Variants in LRRC53 observed in about 807,000 individuals in gnomAD.
The protein encoded by LRRC53 is leucine rich repeat containing 53, also known as leucine-rich repeat-containing protein 53.
In LRRC53, 25 loss-of-function variants were observed where a neutral mutation model predicts 13.6. The ratio of observed to expected loss-of-function variants is 1.83; its 90% CI spans 1.34 to 2.56. LRRC53 has a LOEUF of 2.56. LRRC53 is among the 30% of genes most tolerant of loss of function. The probability of loss-of-function intolerance (pLI) is 0.00; values close to 1 mark genes in which losing one functional copy is unlikely to be tolerated. For synonymous variants in LRRC53, 204 were observed against 109.8 expected, an observed-to-expected ratio of 1.86 and a Z score of -5.37; for missense variants, 527 against 275.8, an observed-to-expected ratio of 1.91 and a Z score of -6.45.
At chr1:74,526,055 C>CA in the LRRC53 span, among the ~76,000 whole-genome samples, 7 of 151,662 alleles carry the variant, frequency 4.6e-5, no homozygotes, top group South Asian at 2.1e-4. Context: ...TAAAACAAAA[C>CA]AAAAAAAACA....
At chr1:74,498,549 T>C (rs541816178) in intron 1 of LRRC53, among the ~76,000 whole-genome samples, 1 of 152,288 alleles carries the variant, frequency 6.6e-6, no homozygotes, top group African/African-American at 2.4e-5. Context: ...TATTTTTATT[T>C]ATAATAAACT....
intron 1 of LRRC53, chr1:74,492,416 G>A: frequency 9.0e-7 from 1 of 1,106,098 alleles, no homozygotes; most frequent in Non-Finnish European, 1.2e-6. Flanking sequence ...CTTACGTTAT[G>A]ACTAAAAATT....
chr1:74,483,059 A>G (rs1668582852), intron 2 of LRRC53, among the ~76,000 whole-genome samples: 1 of 152,244 alleles, frequency 6.6e-6, no homozygotes, highest in African/African-American at 2.4e-5. Context: ...GTTACCTCTG[A>G]AGGTCTTTAA....
Position 74,469,628 on chromosome 1 carries a change from T to C in LRRC53, c.*250A>G, listed in dbSNP as rs193020368. On this transcript the variant is annotated 3_prime_UTR_variant, in exon 5 of 5. Transcript: ENST00000294635. ...CTTTTGCAAGACTTGGCAAAACTTT[T>C]CTTACTTGTTTTTTCATTCCTTAGA... is the stretch of plus-strand genomic sequence containing the variant. 2,910 of 334,114 alleles carry C rather than the reference T, an allele frequency of 8.7e-3. 22 individuals carry two copies. Among genetic ancestry groups the C allele is most frequent in the Non-Finnish European group, 0.012 (2,180 of 186,336 alleles). 20.7% of individuals were successfully genotyped at this position (334,114 alleles called of 1,614,324 possible). A position where few individuals can be genotyped will look rare whatever the true frequency, so the allele number is the denominator to read the frequency against.
the LRRC53 span, among the ~76,000 whole-genome samples, chr1:74,527,807 G>C: frequency 6.6e-6 from 1 of 152,190 alleles, no homozygotes; most frequent in Non-Finnish European, 1.5e-5. Flanking sequence ...ATTGGACAGG[G>C]CTGAGTAAGG....
At chr1:74,485,878 A>G (rs1039713230) in intron 1 of LRRC53, among the ~76,000 whole-genome samples, 3 of 152,180 alleles carry the variant, frequency 2.0e-5, no homozygotes, top group Admixed American at 1.3e-4. Flanking sequence ...AGAAATCAGT[A>G]CTGCCAACAA....
chr1:74,480,126 A>G, intron 3 of LRRC53, 27 bp downstream of exon 3: 1 of 696,602 alleles, frequency 1.4e-6, no homozygotes, highest in Non-Finnish European at 2.7e-6. Context: ...AAGAGAAAAG[A>G]GGAGGGCACA....
At chr1:74,503,404 G>A (rs1051219552) in intron 1 of LRRC53, among the ~76,000 whole-genome samples, 1 of 152,146 alleles carries the variant, frequency 6.6e-6, no homozygotes, top group African/African-American at 2.4e-5. Context: ...ATTTACAAAA[G>A]ACTGTAGTGC....
chr1:74,485,955 C>T (rs1195880531), intron 1 of LRRC53, among the ~76,000 whole-genome samples: 1 of 152,148 alleles, frequency 6.6e-6, no homozygotes, highest in African/African-American at 2.4e-5. Flanking sequence ...TCCTTGATTT[C>T]AGCCTAGTGA....
chr1:74,519,697 A>G, the LRRC53 span, among the ~76,000 whole-genome samples: 41 of 152,338 alleles, frequency 2.7e-4, no homozygotes, highest in East Asian at 5.6e-3. Flanking sequence ...ACCCCACAGA[A>G]TATATCTTTA....
intron 1 of LRRC53, among the ~76,000 whole-genome samples, chr1:74,507,945 C>T (rs1051837554): frequency 1.3e-5 from 2 of 152,248 alleles, no homozygotes; most frequent in East Asian, 1.9e-4. Flanking sequence ...TTGCCAGGAA[C>T]CAAAGATGCT....
chr1:74,511,303 G>A (rs568328039), intron 1 of LRRC53, among the ~76,000 whole-genome samples: 17 of 151,598 alleles, frequency 1.1e-4, no homozygotes, highest in Non-Finnish European at 2.1e-4. Flanking sequence ...AGCAATTCTC[G>A]TGCCTCAGGC....
At chr1:74,517,949 GCTC>G in the LRRC53 span, among the ~76,000 whole-genome samples, 2 of 152,176 alleles carry the variant, frequency 1.3e-5, no homozygotes, top group South Asian at 4.1e-4. Context: ...GAGAACCACT[GCTC>G]TAGCTAGTAC....
rs3835392 is a variant in LRRC53, at chr1:74,469,578, C to CTT, written c.*298_*299dup. The CTT allele has an allele frequency of 1.1e-4, 22 of 208,372 alleles. No individual in the cohort carries two copies. Among genetic ancestry groups the CTT allele is most frequent in the Middle Eastern group, 1.5e-3 (1 of 652 alleles). 12.9% of individuals were successfully genotyped at this position (208,372 alleles called of 1,614,324 possible). A position where few individuals can be genotyped will look rare whatever the true frequency, so the allele number is the denominator to read the frequency against. ...TATGTAGTTTTTCATTTGTTTAAGGCTTTTTTTTTTTCAATGTTTGCTTGC... is the reference window on the plus strand; with the variant it reads ...TATGTAGTTTTTCATTTGTTTAAGGCTTTTTTTTTTTTTCAATGTTTGCTTGC... On this transcript the variant is annotated 3_prime_UTR_variant, in exon 5 of 5. Coordinates refer to ENST00000294635, the MANE Select transcript of LRRC53 (RefSeq NM_001382280.1).
At chr1:74,494,825 C>A (rs563761836) in intron 1 of LRRC53, among the ~76,000 whole-genome samples, 50 of 152,264 alleles carry the variant, frequency 3.3e-4, no homozygotes, top group African/African-American at 1.1e-3. Flanking sequence ...ATTGTCATAG[C>A]AGTGACAGTA....
In LRRC53 at chr1:74,469,813, G is replaced by A. The variant is rs1667835574; in HGVS notation, c.*65C>T. 2.5e-6 allele frequency: 1 copy of A among 399,210 alleles called. No individual in the cohort carries two copies. The highest frequency in any genetic ancestry group is 2.1e-5 in the African/African-American group (1 of 48,636). 24.7% of individuals were successfully genotyped at this position (399,210 alleles called of 1,614,324 possible). A position where few individuals can be genotyped will look rare whatever the true frequency, so the allele number is the denominator to read the frequency against. On this transcript the variant is annotated 3_prime_UTR_variant, in exon 5 of 5. Coordinates refer to ENST00000294635, the MANE Select transcript of LRRC53 (RefSeq NM_001382280.1). Reference sequence around the variant, plus strand: ...CTTCTAATGCATGCAAAGGCTAGTGGGTGTTTGTCCTCTTGAAGAAAGCTA... The same window carrying A: ...CTTCTAATGCATGCAAAGGCTAGTGAGTGTTTGTCCTCTTGAAGAAAGCTA...
chr1:74,521,708 A>T, the LRRC53 span, among the ~76,000 whole-genome samples: 2 of 152,170 alleles, frequency 1.3e-5, no homozygotes, highest in Non-Finnish European at 2.9e-5. Context: ...TGAACAAGCC[A>T]TTTCAGCAAA....
chr1:74,533,310 A>T, the LRRC53 span, among the ~76,000 whole-genome samples: 14 of 152,226 alleles, frequency 9.2e-5, no homozygotes, highest in Non-Finnish European at 1.5e-5. Flanking sequence ...CACATGAAAA[A>T]ATGCTCACCA....
intron 1 of LRRC53, among the ~76,000 whole-genome samples, chr1:74,509,466 GT>G (rs1467672039): frequency 6.6e-6 from 1 of 152,080 alleles, no homozygotes; most frequent in Non-Finnish European, 1.5e-5. Flanking sequence ...AAATTTATTG[GT>G]TTTACACAAA....
Sources: gnomAD v4.1 joint callset for allele counts (sites outside exome capture counted in the v4.1 genomes callset) on GRCh38, gnomAD v4.1.1 for gene constraint, MANE v1.5 for transcripts, NCBI Gene and HGNC (gene_info 2026-07-23, HGNC 2026-07-21) for gene names.